TCF25: variants seen among roughly 807,000 people sequenced by gnomAD.
TCF25 encodes TCF25 ribosome quality control complex subunit, also known as ribosome quality control complex subunit TCF25.
In TCF25, 41 loss-of-function variants were observed where a neutral mutation model predicts 83.1. The observed-to-expected ratio is 0.49, with a 90% CI of 0.38 to 0.64. TCF25 has a LOEUF of 0.64. Among genes scored for constraint, TCF25 ranks in the 30% least tolerant of loss-of-function variants. The probability of loss-of-function intolerance (pLI) is 0.00; values close to 1 mark genes in which losing one functional copy is unlikely to be tolerated. For missense variants in TCF25, 979 were observed against 914.5 expected (o/e 1.07, Z -0.91); for synonymous variants, 458 against 365.0 (o/e 1.25, Z -2.90).
At chr16:89,889,292 C>T (rs376304471) in intron 5 of TCF25, 1 of 366,918 alleles carries the variant, frequency 2.7e-6, no homozygotes, top group East Asian at 9.0e-5. Flanking sequence ...ATCCTCCCAT[C>T]TCAGTCTCCC....
Position 89,898,785 on chromosome 16 carries a change from C to A in TCF25, c.1134C>A (p.Asp378Glu). ...CCGGAAGTCTCGAGCCGGATGAGGA[C>A]CCCCTCTGCATGCTGCTGCTCATCG... Reference protein sequence around the residue: ...KLILSLEPDEDPLCMLLLIDH... With the variant: ...KLILSLEPDEEPLCMLLLIDH... The change falls in exon 11 of 18, where the codon GAC becomes GAA. Residue 378 changes from aspartate (D) to glutamate (E), a missense_variant. Transcript: ENST00000263346. 1 of 1,613,880 alleles carries A rather than the reference C, an allele frequency of 6.2e-7. No homozygotes were observed. The highest frequency in any genetic ancestry group is 8.5e-7 in the Non-Finnish European group (1 of 1,180,048).
intron 12 of TCF25, among the ~76,000 whole-genome samples, chr16:89,903,297 C>A (rs1156878823): frequency 2.0e-5 from 3 of 152,272 alleles, no homozygotes; most frequent in Non-Finnish European, 2.9e-5. Flanking sequence ...CTGCCCTCAA[C>A]CTGCAGTGCT....
At chr16:89,908,268 T>A (rs1344192981) in intron 16 of TCF25, among the ~76,000 whole-genome samples, 41 of 42,322 alleles carry the variant, frequency 9.7e-4, no homozygotes, top group South Asian at 2.7e-3. Flanking sequence ...CCCAGCTCCC[T>A]CTTCCCTCCT....
Position 89,896,069 on chromosome 16 carries a change from C to T in TCF25, c.1008C>T (p.Arg336=). ...GTGGGGCCTGCCGGCTGGATTACCG[C>T]AGACCCGAGAACAGGTGAGTGCAGC... ...LTSGACRLDY[R]RPENRSFYLA... The change falls in exon 9 of 18, where the codon CGC becomes CGT. Residue 336 remains arginine (R), a synonymous_variant. Coordinates refer to ENST00000263346, the MANE Select transcript of TCF25 (RefSeq NM_014972.3). The T allele has an allele frequency of 6.2e-7, 1 of 1,613,680 alleles. No individual in the cohort carries two copies. The highest frequency in any genetic ancestry group is 1.1e-5 in the South Asian group (1 of 91,072).
chr16:89,876,622 C>T (rs560769141), intron 1 of TCF25, among the ~76,000 whole-genome samples: 1 of 151,718 alleles, frequency 6.6e-6, no homozygotes, highest in East Asian at 1.9e-4. Context: ...GAAACCCCAT[C>T]TCTACTAAGA....
At chr16:89,893,698 A>G (rs759319903) in intron 6 of TCF25, 30 bp from the exon 7 acceptor site, 3 of 1,613,018 alleles carry the variant, frequency 1.9e-6, no homozygotes, top group Non-Finnish European at 2.5e-6. Context: ...TGCTCCCGGC[A>G]CACCCTCCCT....
chr16:89,873,677 C>A lies in TCF25; in HGVS notation c.10C>A (p.Arg4=). 1 of 1,596,076 alleles carries A rather than the reference C, an allele frequency of 6.3e-7. No individual in the cohort carries two copies. The highest frequency in any genetic ancestry group is 8.5e-7 in the Non-Finnish European group (1 of 1,174,466). The stretch of plus-strand genomic sequence containing the variant: ...GTGGTCGTTCGGTCCTATGTCGCGC[C>A]GGGCCCTCCGGAGGCTGAGGGGGGA... MSR[R]ALRRLRGEQR... is the part of the protein sequence containing the mutation. The change falls in exon 1 of 18, where the codon CGG becomes AGG. Residue 4 remains arginine (R), a synonymous_variant. Coordinates refer to ENST00000263346, the MANE Select transcript of TCF25 (RefSeq NM_014972.3).
chr16:89,900,435 CTG>C (rs891045069), intron 11 of TCF25, among the ~76,000 whole-genome samples, 198 bp from the exon 12 acceptor site: 35 of 152,196 alleles, frequency 2.3e-4, no homozygotes, highest in African/African-American at 7.7e-4. Flanking sequence ...CCCACGTCCT[CTG>C]TATCTTCTGC....
intron 1 of TCF25, among the ~76,000 whole-genome samples, chr16:89,875,826 T>C (rs1424734566): frequency 8.0e-6 from 1 of 125,120 alleles, no homozygotes; most frequent in East Asian, 2.3e-4. Flanking sequence ...CTGGCTTTTT[T>C]TTTTTTTTTT....
chr16:89,909,394 C>A (rs547793722), intron 16 of TCF25: 46 of 274,986 alleles, frequency 1.7e-4, no homozygotes, highest in African/African-American at 9.9e-4. Flanking sequence ...ACCTGTAGTC[C>A]CAGCTACTTG....
Position 89,900,723 on chromosome 16 carries a change from A to C in TCF25, c.1310A>C (p.Glu437Ala), listed in dbSNP as rs1280278713. 1.2e-6 allele frequency: 2 copies of C among 1,604,758 alleles called. No homozygotes were observed. Among genetic ancestry groups the C allele is most frequent in the African/African-American group, 2.7e-5 (2 of 74,780 alleles). The change falls in exon 12 of 18, where the codon GAG (glutamate) becomes GCG (alanine). Residue 437 changes from glutamate to alanine, a missense_variant. Coordinates refer to ENST00000263346, the MANE Select transcript of TCF25 (RefSeq NM_014972.3). ...CTGAGCCAGCAGACAGACCTCCCTG[A>C]GTGTGAGCAGAGCTCTGCCAGGCAG... ...FLLSQQTDLP[E>A]CEQSSARQKA...
At chr16:89,880,450 G>A (rs1009752230) in intron 1 of TCF25, among the ~76,000 whole-genome samples, 1 of 152,170 alleles carries the variant, frequency 6.6e-6, no homozygotes, top group Non-Finnish European at 1.5e-5. Flanking sequence ...CTGGCATGGC[G>A]GCACATGCCT....
chr16:89,885,859 A>G lies in TCF25; in HGVS notation c.441A>G (p.Leu147=). ...SSTGEASENG[L]EDIDRILERI... ...TTTGGGGCTTTTAGGAAAACGGACT[A>G]GAAGATATCGATCGCATCCTAGAGA... is the stretch of plus-strand genomic sequence containing the variant. Residue 147 remains leucine (L), a synonymous_variant, in exon 4 of 18, where the codon CTA becomes CTG. Coordinates refer to ENST00000263346, the MANE Select transcript of TCF25 (RefSeq NM_014972.3). 1 of 1,611,584 alleles carries G rather than the reference A, an allele frequency of 6.2e-7. No homozygotes were observed. Among genetic ancestry groups the G allele is most frequent in the South Asian group, 1.1e-5 (1 of 91,064 alleles).
chr16:89,878,706 T>A (rs1368316008), intron 1 of TCF25: 2 of 984,236 alleles, frequency 2.0e-6, no homozygotes, highest in Non-Finnish European at 2.5e-6. Flanking sequence ...AGTGGCACCA[T>A]CTCAGCTCAC....
chr16:89,895,010 C>A lies in TCF25; in HGVS notation c.829-28C>A, dbSNP rs1277613371. Reference sequence around the variant, plus strand: ...AGCTGGGGCCTTGCTGAGTGCCTTTCCTCCAGGGCTGTCCTCCCTTCTGGT... The same window carrying A: ...AGCTGGGGCCTTGCTGAGTGCCTTTACTCCAGGGCTGTCCTCCCTTCTGGT... On this transcript the variant is annotated intron_variant, in intron 7 of 17. Transcript: ENST00000263346. 6 of 1,599,874 alleles carry A rather than the reference C, an allele frequency of 3.8e-6. No individual in the cohort carries two copies. In the Admixed American group the frequency reaches 1.0e-4, roughly 27 times the overall value.
chr16:89,907,076 C>T (rs548006362), intron 15 of TCF25, among the ~76,000 whole-genome samples, 167 bp from the exon 16 acceptor site: 1 of 152,122 alleles, frequency 6.6e-6, no homozygotes, highest in South Asian at 2.1e-4. Flanking sequence ...CCACCCTCAC[C>T]CAAAGCTCGT....
intron 4 of TCF25, among the ~76,000 whole-genome samples, chr16:89,886,998 C>T (rs909211427): frequency 3.9e-5 from 6 of 152,100 alleles, no homozygotes; most frequent in Non-Finnish European, 7.4e-5. Context: ...TTTCAGAGAA[C>T]TTCTAGTTTT....
At chr16:89,881,017 C>G (rs1268457860) in intron 1 of TCF25, among the ~76,000 whole-genome samples, 2 of 152,202 alleles carry the variant, frequency 1.3e-5, no homozygotes, top group Non-Finnish European at 2.9e-5. Context: ...TCAGTGTTTT[C>G]AAGTTAGGGG....
intron 14 of TCF25, among the ~76,000 whole-genome samples, chr16:89,905,736 C>A (rs1057319750): frequency 3.3e-5 from 5 of 152,182 alleles, no homozygotes; most frequent in Non-Finnish European, 7.4e-5. Context: ...TGGGCCCGTC[C>A]GCGTGTCTGC....
Sources: allele counts gnomAD v4.1 joint callset (sites outside exome capture counted in the v4.1 genomes callset), GRCh38; gene constraint gnomAD v4.1.1; transcripts MANE v1.5; gene names NCBI Gene and HGNC (gene_info 2026-07-23, HGNC 2026-07-21).